The following CDH13 variants were observed in gnomAD, a reference collection of about 807,000 sequenced individuals.
CDH13 encodes cadherin-13.
In CDH13, 24 loss-of-function variants were observed where a neutral mutation model predicts 63.8. The observed-to-expected ratio is 0.38, with a 90% CI of 0.27 to 0.53. The LOEUF is 0.53. Ranked by LOEUF, CDH13 falls within the 20% of genes least tolerant of loss-of-function variation. The pLI is 0.85. For synonymous variants in CDH13, 503 were observed against 355.3 expected (o/e 1.42, Z -4.67); for missense variants, 1,049 against 903.1 (o/e 1.16, Z -2.07).
At chr16:83,392,039 T>A (rs751541589) in intron 6 of CDH13, among the ~76,000 whole-genome samples, 35 of 152,078 alleles carry the variant, frequency 2.3e-4, no homozygotes, top group Non-Finnish European at 4.0e-4. Flanking sequence ...AATTGTCACC[T>A]CCCACTAAAT....
chr16:83,381,655 C>T (rs2091569639), intron 6 of CDH13, among the ~76,000 whole-genome samples: 1 of 151,988 alleles, frequency 6.6e-6, no homozygotes, highest in East Asian at 1.9e-4. Flanking sequence ...CTCACCTAAA[C>T]CCACCACTTG....
chr16:83,284,154 A>G (rs1052952709), intron 5 of CDH13, among the ~76,000 whole-genome samples: 2 of 152,148 alleles, frequency 1.3e-5, no homozygotes, highest in Non-Finnish European at 2.9e-5. Flanking sequence ...ATTTCTTGTC[A>G]TTCATGAAGT....
chr16:83,417,827 G>C (rs933981727), intron 6 of CDH13, among the ~76,000 whole-genome samples: 5 of 152,066 alleles, frequency 3.3e-5, no homozygotes, highest in Admixed American at 6.6e-5. Context: ...TGGGGAAACT[G>C]GGATGTCAGT....
intron 7 of CDH13, among the ~76,000 whole-genome samples, chr16:83,519,533 A>C (rs1206616470): frequency 6.6e-6 from 1 of 152,250 alleles, no homozygotes; most frequent in African/African-American, 2.4e-5. Context: ...AGCCACTTTA[A>C]CTATAATACC....
intron 1 of CDH13, among the ~76,000 whole-genome samples, chr16:82,704,723 C>T (rs1295953424): frequency 6.6e-6 from 1 of 152,238 alleles, no homozygotes; most frequent in Admixed American, 6.5e-5. Flanking sequence ...TCAAATAGCC[C>T]TGGCTTATTA....
intron 6 of CDH13, among the ~76,000 whole-genome samples, chr16:83,351,820 T>C (rs2151375989): frequency 6.6e-6 from 1 of 152,364 alleles, no homozygotes; most frequent in East Asian, 1.9e-4. Flanking sequence ...TTTTAGTCTG[T>C]ATCTTGGCTA....
chr16:83,177,353 C>G (rs1470357340), intron 4 of CDH13, among the ~76,000 whole-genome samples: 1 of 152,186 alleles, frequency 6.6e-6, no homozygotes, highest in African/African-American at 2.4e-5. Context: ...CAATGATAGT[C>G]TGATGCCATC....
At chr16:82,993,458 C>T (rs939058065) in intron 2 of CDH13, among the ~76,000 whole-genome samples, 1 of 152,158 alleles carries the variant, frequency 6.6e-6, no homozygotes, top group Non-Finnish European at 1.5e-5. Flanking sequence ...TGTAAATTGA[C>T]TCCGTGAGGA....
intron 1 of CDH13, among the ~76,000 whole-genome samples, chr16:82,696,411 TG>T (rs2030296574): frequency 6.6e-6 from 1 of 152,218 alleles, no homozygotes; most frequent in South Asian, 2.1e-4. Context: ...TAAAACTCAA[TG>T]GGAACACCGT....
At chr16:83,694,333 G>T (rs56749854) in intron 10 of CDH13, among the ~76,000 whole-genome samples, 84,039 of 152,034 alleles carry the variant, frequency 0.55, 23,805 homozygotes, top group Middle Eastern at 0.69. Context: ...TCCTGCTGCA[G>T]TGGGAGAGAA....
intron 3 of CDH13, among the ~76,000 whole-genome samples, chr16:83,096,317 A>G (rs542622301): frequency 3.9e-5 from 6 of 152,270 alleles, no homozygotes; most frequent in Non-Finnish European, 7.4e-5. Flanking sequence ...ACCAAATAGG[A>G]ATATATCAGA....
At chr16:82,673,417 A>G (rs549208825) in intron 1 of CDH13, among the ~76,000 whole-genome samples, 1 of 152,268 alleles carries the variant, frequency 6.6e-6, no homozygotes, top group Admixed American at 6.5e-5. Flanking sequence ...CCCCAAGGAG[A>G]AAGCCTTGGG....
intron 3 of CDH13, among the ~76,000 whole-genome samples, chr16:83,073,959 C>A (rs2032638149): frequency 6.6e-6 from 1 of 152,160 alleles, no homozygotes; most frequent in African/African-American, 2.4e-5. Flanking sequence ...GAATATCCAT[C>A]ATCACAATCA....
intron 4 of CDH13, among the ~76,000 whole-genome samples, chr16:83,170,373 T>G (rs1224105603): frequency 2.0e-5 from 3 of 152,062 alleles, no homozygotes; most frequent in Non-Finnish European, 4.4e-5. Context: ...TCAGGGTGTT[T>G]AGGAGTGTTT....
chr16:83,123,683 T>A (rs1225855739), intron 3 of CDH13, among the ~76,000 whole-genome samples: 18 of 152,194 alleles, frequency 1.2e-4, no homozygotes, highest in Admixed American at 1.2e-3. Flanking sequence ...GCAGGTATTG[T>A]TTTGATATAA....
intron 5 of CDH13, among the ~76,000 whole-genome samples, chr16:83,272,859 C>T (rs1164526557): frequency 2.0e-5 from 3 of 152,088 alleles, no homozygotes; most frequent in Non-Finnish European, 4.4e-5. Flanking sequence ...ATCAGTCAGC[C>T]CTGTGGGGAT....
chr16:82,772,300 A>G (rs2035300886), intron 1 of CDH13, among the ~76,000 whole-genome samples: 1 of 152,192 alleles, frequency 6.6e-6, no homozygotes, highest in Non-Finnish European at 1.5e-5. Context: ...GCCTTTGGGA[A>G]TGGAAGCATA....
At chr16:82,732,606 A>C (rs2033462506) in intron 1 of CDH13, among the ~76,000 whole-genome samples, 1 of 152,244 alleles carries the variant, frequency 6.6e-6, no homozygotes, top group Non-Finnish European at 1.5e-5. Flanking sequence ...TTGCTCAAGA[A>C]ATGAGTGGCC....
intron 1 of CDH13, among the ~76,000 whole-genome samples, chr16:82,844,146 G>T (rs2039148676): frequency 6.6e-6 from 1 of 152,164 alleles, no homozygotes; most frequent in Non-Finnish European, 1.5e-5. Context: ...TTACAGAAGG[G>T]AAGTAGGAGG....
Sources: gnomAD v4.1 joint callset for allele counts (sites outside exome capture counted in the v4.1 genomes callset) on GRCh38, gnomAD v4.1.1 for gene constraint, MANE v1.5 for transcripts, NCBI Gene and HGNC (gene_info 2026-07-23, HGNC 2026-07-21) for gene names.